Variants in EPHB1 observed in about 807,000 individuals in gnomAD.
The protein encoded by EPHB1 is ephrin type-B receptor 1.
A neutral mutation model predicts 94.4 loss-of-function variants in EPHB1; 30 were observed. That is an observed-to-expected ratio of 0.32 (90% CI 0.24 to 0.43). The LOEUF (loss-of-function observed/expected upper bound fraction) is 0.43. EPHB1 is among the 20% of genes least tolerant of loss of function. The pLI, the probability that EPHB1 is intolerant of heterozygous loss-of-function variation, is 1.00. For synonymous variants in EPHB1, 522 were observed against 489.1 expected (o/e 1.07, Z -0.89); for missense variants, 1,055 against 1,308.3 (o/e 0.81, Z 2.99).
chr3:135,076,058 A>C (rs994757658), intron 3 of EPHB1, among the ~76,000 whole-genome samples: 1 of 152,144 alleles, frequency 6.6e-6, no homozygotes, highest in Non-Finnish European at 1.5e-5. Flanking sequence ...TACAAATATT[A>C]ACTCCAAATG....
chr3:134,886,267 C>T (rs1462883247), intron 1 of EPHB1, among the ~76,000 whole-genome samples: 1 of 152,094 alleles, frequency 6.6e-6, no homozygotes, highest in Non-Finnish European at 1.5e-5. Flanking sequence ...CATCATCTGC[C>T]CCAAGGGGAT....
chr3:135,206,497 TATAATA>T (rs762023323), intron 12 of EPHB1, among the ~76,000 whole-genome samples: 15 of 152,254 alleles, frequency 9.9e-5, no homozygotes, highest in Non-Finnish European at 2.1e-4. Context: ...TTGTCCTGAT[TATAATA>T]ATGTTAGCAA....
chr3:135,154,113 G>C, intron 5 of EPHB1, 39 bp from the exon 6 acceptor site: 1 of 1,612,946 alleles, frequency 6.2e-7, no homozygotes, highest in Non-Finnish European at 8.5e-7. Context: ...CTATAATTGA[G>C]TGTCTGTTCA....
intron 3 of EPHB1, among the ~76,000 whole-genome samples, 185 bp from the exon 4 acceptor site, chr3:135,106,263 C>G (rs1939215052): frequency 6.6e-6 from 1 of 152,220 alleles, no homozygotes; most frequent in African/African-American, 2.4e-5. Flanking sequence ...AGATATATTT[C>G]ACAAAGGATT....
intron 3 of EPHB1, among the ~76,000 whole-genome samples, chr3:135,041,180 GA>G (rs1936828169): frequency 1.3e-5 from 2 of 152,148 alleles, no homozygotes; most frequent in Non-Finnish European, 2.9e-5. Flanking sequence ...AACATACTGA[GA>G]ACTTTCAGCC....
intron 1 of EPHB1, among the ~76,000 whole-genome samples, chr3:134,889,196 A>T (rs530897369): frequency 1.3e-5 from 2 of 152,310 alleles, no homozygotes; most frequent in South Asian, 4.1e-4. Context: ...TTTTGGGTGA[A>T]GATAAGGCGG....
chr3:135,021,260 T>C (rs567684343), intron 3 of EPHB1, among the ~76,000 whole-genome samples: 1 of 152,316 alleles, frequency 6.6e-6, no homozygotes, highest in South Asian at 2.1e-4. Flanking sequence ...AATAATTTTA[T>C]TTGTTGTGTT....
At chr3:135,163,888 C>T (rs549489802) in intron 7 of EPHB1, among the ~76,000 whole-genome samples, 63 of 152,048 alleles carry the variant, frequency 4.1e-4, no homozygotes, top group Non-Finnish European at 5.0e-4. Context: ...GTCTGCAGAG[C>T]GAAGGTAGTC....
intron 1 of EPHB1, among the ~76,000 whole-genome samples, chr3:134,884,458 TC>T (rs2037822311): frequency 6.6e-6 from 1 of 152,180 alleles, no homozygotes; most frequent in South Asian, 2.1e-4. Context: ...CCAAAGCTGC[TC>T]AGATGCCATT....
At chr3:134,967,031 T>C (rs1933779817) in intron 3 of EPHB1, among the ~76,000 whole-genome samples, 1 of 152,170 alleles carries the variant, frequency 6.6e-6, no homozygotes, top group South Asian at 2.1e-4. Flanking sequence ...AGCCTCACTC[T>C]AAAGGCTGGG....
intron 1 of EPHB1, among the ~76,000 whole-genome samples, chr3:134,846,865 T>C (rs989430741): frequency 9.2e-5 from 14 of 152,134 alleles, no homozygotes; most frequent in Non-Finnish European, 1.8e-4. Context: ...GGTCATGTGA[T>C]GGGAGTCAAG....
At chr3:135,223,861 A>C (rs928733588) in intron 12 of EPHB1, among the ~76,000 whole-genome samples, 3 of 152,220 alleles carry the variant, frequency 2.0e-5, no homozygotes, top group Non-Finnish European at 4.4e-5. Flanking sequence ...TCCCTACTGA[A>C]ATAAATGCCC....
intron 3 of EPHB1, among the ~76,000 whole-genome samples, chr3:134,965,139 A>T (rs192035002): frequency 3.9e-5 from 6 of 152,236 alleles, no homozygotes; most frequent in Admixed American, 1.3e-4. Context: ...ATTTTTCTGG[A>T]GCATTCTTTG....
At chr3:135,087,606 C>A (rs1938404554) in intron 3 of EPHB1, among the ~76,000 whole-genome samples, 1 of 152,128 alleles carries the variant, frequency 6.6e-6, no homozygotes, top group Non-Finnish European at 1.5e-5. Context: ...GGGAAGTGGG[C>A]ATAAGTGTAG....
At chr3:134,796,837 G>T (rs770347410) in intron 1 of EPHB1, among the ~76,000 whole-genome samples, 1 of 152,284 alleles carries the variant, frequency 6.6e-6, no homozygotes, top group Non-Finnish European at 1.5e-5. Context: ...AGCCGGGGAG[G>T]AGCAGCTCTT....
chr3:135,201,222 C>T (rs1180840598), intron 11 of EPHB1, among the ~76,000 whole-genome samples: 1 of 151,712 alleles, frequency 6.6e-6, no homozygotes, highest in Non-Finnish European at 1.5e-5. Flanking sequence ...GGACTGGCGG[C>T]AGTGGAGATG....
intron 12 of EPHB1, among the ~76,000 whole-genome samples, chr3:135,235,731 C>T (rs1415486133): frequency 3.3e-5 from 5 of 152,144 alleles, no homozygotes; most frequent in Admixed American, 6.5e-5. Flanking sequence ...TGTTGTTGTG[C>T]ATTTACCTAG....
At chr3:134,873,307 T>C (rs776196523) in intron 1 of EPHB1, among the ~76,000 whole-genome samples, 9 of 152,192 alleles carry the variant, frequency 5.9e-5, no homozygotes, top group Non-Finnish European at 1.3e-4. Context: ...TGAGTGCTAT[T>C]AAGGATTTGT....
chr3:134,931,759 G>C (rs2038907018), intron 2 of EPHB1, among the ~76,000 whole-genome samples: 1 of 152,126 alleles, frequency 6.6e-6, no homozygotes. Context: ...GTGTGTGCAT[G>C]TATATATGAG....
Sources: allele counts gnomAD v4.1 joint callset (sites outside exome capture counted in the v4.1 genomes callset), GRCh38; gene constraint gnomAD v4.1.1; transcripts MANE v1.5; gene names NCBI Gene and HGNC (gene_info 2026-07-23, HGNC 2026-07-21).